ADGRL2: variants seen among roughly 807,000 people sequenced by gnomAD.
ADGRL2 encodes calcium-independent alpha-latrotoxin receptor 2.
Under a neutral mutation model 157.4 loss-of-function variants are expected in ADGRL2, and 44 were observed. The ratio of observed to expected loss-of-function variants is 0.28; its 90% CI spans 0.22 to 0.36. ADGRL2 has a LOEUF of 0.36. Ranked by LOEUF, ADGRL2 falls within the 10% of genes least tolerant of loss-of-function variation. The probability of loss-of-function intolerance (pLI) is 1.00; values close to 1 mark genes in which losing one functional copy is unlikely to be tolerated. For synonymous variants in ADGRL2, 585 were observed against 624.7 expected, an observed-to-expected ratio of 0.94 and a Z score of 0.95; for missense variants, 1,510 against 1,768.9, an observed-to-expected ratio of 0.85 and a Z score of 2.63.
At chr1:81,634,993 G>T (rs1570695885) in intron 3 of ADGRL2, among the ~76,000 whole-genome samples, 1 of 152,140 alleles carries the variant, frequency 6.6e-6, no homozygotes, top group Non-Finnish European at 1.5e-5. Context: ...GACCTCCACA[G>T]GTGCAACCTA....
At chr1:81,349,348 G>A (rs1026317403) in intron 1 of ADGRL2, among the ~76,000 whole-genome samples, 68 of 152,192 alleles carry the variant, frequency 4.5e-4, no homozygotes, top group African/African-American at 1.5e-3. Flanking sequence ...GTCACAAGCT[G>A]ATCCTTCTAT....
Position 81,475,199 on chromosome 1 carries a change from C to G in ADGRL2, c.-248+30110C>G, listed in dbSNP as rs2101888492. ...TTTTTAAAGAAAACTTGTATCTAAACACTTTCTGAAAATGACACTCATGGG... is the reference window on the plus strand; with the variant it reads ...TTTTTAAAGAAAACTTGTATCTAAAGACTTTCTGAAAATGACACTCATGGG... On this transcript the variant is annotated intron_variant, in intron 2 of 24. Transcript: ENST00000370721. Among the ~76,000 whole-genome samples, 3 of 152,098 alleles carry G rather than the reference C, an allele frequency of 2.0e-5. No homozygotes were observed. The South Asian group carries it at 6.2e-4, about 32-fold the overall frequency.
intron 3 of ADGRL2, among the ~76,000 whole-genome samples, chr1:81,680,313 T>C (rs1049769022): frequency 6.6e-6 from 1 of 152,192 alleles, no homozygotes; most frequent in Non-Finnish European, 1.5e-5. Context: ...TCTCTTCTTA[T>C]ATTTCTTTGT....
At chr1:81,461,507 G>A (rs2077927798) in intron 2 of ADGRL2, among the ~76,000 whole-genome samples, 1 of 152,130 alleles carries the variant, frequency 6.6e-6, no homozygotes, top group Non-Finnish European at 1.5e-5. Context: ...TTTACATAGT[G>A]TTAACTGTCC....
chr1:81,614,846 TTAAAA>T (rs1352881060), intron 3 of ADGRL2, among the ~76,000 whole-genome samples: 2 of 105,638 alleles, frequency 1.9e-5, no homozygotes, highest in Non-Finnish European at 4.1e-5. Context: ...TCTCTACAAA[TTAAAA>T]AAAAAAAAAA....
chr1:81,771,701 CT>C (rs34112266), intron 2 of ADGRL2, among the ~76,000 whole-genome samples: 66,056 of 151,804 alleles, frequency 0.44, 14,943 homozygotes, highest in East Asian at 0.89. Context: ...GAAAATCCCC[CT>C]ATGAGAGTGC....
chr1:81,343,853 C>T (rs938313942), intron 1 of ADGRL2, among the ~76,000 whole-genome samples: 12 of 152,256 alleles, frequency 7.9e-5, no homozygotes, highest in African/African-American at 2.9e-4. Flanking sequence ...CTCTCAAAGT[C>T]CTCACCTCCT....
chr1:81,870,048 G>A (rs1364911878), intron 2 of ADGRL2, among the ~76,000 whole-genome samples: 1 of 151,922 alleles, frequency 6.6e-6, no homozygotes, highest in African/African-American at 2.4e-5. Context: ...TAAAGACTTA[G>A]CTTGTTACTG....
intron 3 of ADGRL2, among the ~76,000 whole-genome samples, chr1:81,615,741 G>A (rs150501377): frequency 1.8e-4 from 28 of 152,280 alleles, no homozygotes; most frequent in Non-Finnish European, 3.5e-4. Context: ...CACTGCTCTG[G>A]AGACCACAGA....
chr1:81,831,716 C>A (rs779059692), intron 1 of ADGRL2, among the ~76,000 whole-genome samples: 1 of 152,032 alleles, frequency 6.6e-6, no homozygotes, highest in Non-Finnish European at 1.5e-5. Context: ...TAACTGTGTG[C>A]AAGGCAGTTA....
intron 3 of ADGRL2, among the ~76,000 whole-genome samples, chr1:81,665,427 T>C (rs2082733132): frequency 6.6e-6 from 1 of 152,176 alleles, no homozygotes; most frequent in Non-Finnish European, 1.5e-5. Context: ...TTCATTTCTT[T>C]ATTAAGCAAT....
intron 1 of ADGRL2, among the ~76,000 whole-genome samples, chr1:81,345,466 T>C (rs951217109): frequency 6.6e-6 from 1 of 152,210 alleles, no homozygotes; most frequent in Non-Finnish European, 1.5e-5. Flanking sequence ...TCTATTCTTA[T>C]CACCACAAAA....
At chr1:81,409,160 T>C (rs1381328894) in intron 1 of ADGRL2, among the ~76,000 whole-genome samples, 2 of 152,200 alleles carry the variant, frequency 1.3e-5, no homozygotes, top group Non-Finnish European at 2.9e-5. Flanking sequence ...CAAACCCCTG[T>C]TCTTTTTCTT....
chr1:81,503,544 T>C, intron 2 of ADGRL2: 1 of 1,532,970 alleles, frequency 6.5e-7, no homozygotes, highest in Non-Finnish European at 8.9e-7. Context: ...ATTTACCTCA[T>C]CTCACGGAGC....
intron 1 of ADGRL2, among the ~76,000 whole-genome samples, chr1:81,320,184 T>C (rs961473791): frequency 2.0e-5 from 3 of 152,202 alleles, no homozygotes; most frequent in Admixed American, 2.0e-4. Context: ...CCATTCAAGT[T>C]TTGTCATGAG....
At chr1:81,951,871 T>C in intron 8 of ADGRL2, 86 bp from the exon 9 acceptor site, 1 of 1,071,812 alleles carries the variant, frequency 9.3e-7, no homozygotes, top group Non-Finnish European at 1.3e-6. Context: ...CAAATTTTTT[T>C]CACCACAATA....
chr1:81,479,677 T>G (rs2078345684), intron 2 of ADGRL2, among the ~76,000 whole-genome samples: 1 of 152,138 alleles, frequency 6.6e-6, no homozygotes, highest in South Asian at 2.1e-4. Flanking sequence ...GAATGTTGAT[T>G]ATTGCATCCT....
At chr1:81,327,776 A>G (rs1312066502) in intron 1 of ADGRL2, among the ~76,000 whole-genome samples, 1 of 152,178 alleles carries the variant, frequency 6.6e-6, no homozygotes, top group Non-Finnish European at 1.5e-5. Flanking sequence ...GCTCTTGTAT[A>G]CAACTTAGCC....
At chr1:81,883,835 A>G (rs1267127942) in intron 2 of ADGRL2, among the ~76,000 whole-genome samples, 1 of 152,112 alleles carries the variant, frequency 6.6e-6, no homozygotes, top group Non-Finnish European at 1.5e-5. Flanking sequence ...ATCAGTTTTA[A>G]AAGTTAAGAT....
Sources: gnomAD v4.1 joint callset for allele counts (sites outside exome capture counted in the v4.1 genomes callset) on GRCh38, gnomAD v4.1.1 for gene constraint, MANE v1.5 for transcripts, NCBI Gene and HGNC (gene_info 2026-07-23, HGNC 2026-07-21) for gene names.